DLG5: variants seen among roughly 807,000 people sequenced by gnomAD.
DLG5 encodes discs large MAGUK scaffold protein 5.
A neutral mutation model predicts 189.8 loss-of-function variants in DLG5; 48 were observed. The ratio of observed to expected loss-of-function variants is 0.25; its 90% CI spans 0.20 to 0.32. The LOEUF (loss-of-function observed/expected upper bound fraction) is 0.32, where lower values mean the gene tolerates loss of function less well. Among genes scored for constraint, DLG5 ranks in the 10% least tolerant of loss-of-function variants. The pLI is 1.00. For missense variants in DLG5, 2,160 were observed against 2,544.7 expected, an observed-to-expected ratio of 0.85 and a Z score of 3.25; for synonymous variants, 1,016 against 1,054.1, an observed-to-expected ratio of 0.96 and a Z score of 0.70.
chr10:77,816,491 C>T (rs899938151), intron 20 of DLG5, 60 bp downstream of exon 20: 4 of 1,611,534 alleles, frequency 2.5e-6, no homozygotes, highest in Non-Finnish European at 2.5e-6. Flanking sequence ...CCCAGGCCCG[C>T]TGCCGGGATG....
At chr10:77,811,666 C>G (rs1192287073) in intron 22 of DLG5, among the ~76,000 whole-genome samples, 1 of 152,126 alleles carries the variant, frequency 6.6e-6, no homozygotes, top group African/African-American at 2.4e-5. Context: ...ACCCCCGGGG[C>G]CACAACTCCT....
rs148346690 is a variant in DLG5 at position 77,815,939 on chromosome 10, C to T, written c.4025+612G>A. 1.3e-5 allele frequency: 5 copies of T among 372,364 alleles called. No homozygotes were observed. In the East Asian group the frequency reaches 3.6e-4, roughly 27 times the overall value. The allele number at this position is 372,364 out of a possible 1,614,324, so 23.1% of individuals were successfully genotyped here. On this transcript the variant is annotated intron_variant, in intron 20 of 31. Transcript: ENST00000372391. ...ATTCCATGGAGGAGGTGCCTCTGGACAGACAGCAAGCCTACAGTCAACCTG... is the reference window on the plus strand; with the variant it reads ...ATTCCATGGAGGAGGTGCCTCTGGATAGACAGCAAGCCTACAGTCAACCTG...
intron 7 of DLG5, among the ~76,000 whole-genome samples, chr10:77,836,636 A>G (rs1450411145): frequency 6.6e-6 from 1 of 152,208 alleles, no homozygotes; most frequent in Non-Finnish European, 1.5e-5. Context: ...CGTAGAAAAC[A>G]AGAGAAGAGA....
rs1003767638 is a variant in DLG5 at position 77,819,305 on chromosome 10, G to C, written c.3671+16C>G. ...GGCAGCTGGAGTACAGAGAAGCGTA[G>C]GGTGCCTTCACATACCTGGGATGCA... is the stretch of plus-strand genomic sequence containing the variant. On this transcript the variant is annotated intron_variant, in intron 17 of 31. Transcript: ENST00000372391. The C allele has an allele frequency of 1.2e-6, 2 of 1,613,508 alleles. No individual in the cohort carries two copies. Among genetic ancestry groups the C allele is most frequent in the East Asian group, 2.2e-5 (1 of 44,888 alleles).
At chr10:77,891,883 C>G (rs1276688352) in intron 1 of DLG5, among the ~76,000 whole-genome samples, 1 of 152,200 alleles carries the variant, frequency 6.6e-6, no homozygotes, top group South Asian at 2.1e-4. Flanking sequence ...TTGAATGAGT[C>G]CCCTAGCACA....
Position 77,821,830 on chromosome 10 carries a change from G to T in DLG5, c.2654C>A (p.Pro885His), listed in dbSNP as rs1322898152. 8 of 1,613,536 alleles carry T rather than the reference G, an allele frequency of 5.0e-6. No homozygotes were observed. Among genetic ancestry groups the T allele is most frequent in the Non-Finnish European group, 6.8e-6 (8 of 1,179,800 alleles). The change falls in exon 15 of 32, where the codon CCC (proline) becomes CAC (histidine). Residue 885 changes from proline (P) to histidine (H), a missense_variant. Transcript: ENST00000372391. ...GPLQVCPQAC[P>H]SASERSLSSF... ...GCTCAGGCTACGCTCAGAGGCACTG[G>T]GACAGGCCTGGGGGCAGACCTGCAA...
chr10:77,810,469 C>G (rs1174862284), intron 23 of DLG5, among the ~76,000 whole-genome samples: 1 of 152,206 alleles, frequency 6.6e-6, no homozygotes, highest in Non-Finnish European at 1.5e-5. Flanking sequence ...TCATGTCACA[C>G]CATGGCCTGG....
intron 1 of DLG5, among the ~76,000 whole-genome samples, chr10:77,912,883 C>T (rs1394109309): frequency 6.6e-6 from 1 of 152,110 alleles, no homozygotes; most frequent in Non-Finnish European, 1.5e-5. Context: ...AAACCAAAAG[C>T]AAGCAGACCA....
At chr10:77,923,709 G>A (rs1442727302) in intron 1 of DLG5, among the ~76,000 whole-genome samples, 2 of 152,290 alleles carry the variant, frequency 1.3e-5, no homozygotes, top group African/African-American at 4.8e-5. Flanking sequence ...AGTGAGCCGA[G>A]ATTGTGCCAC....
At chr10:77,839,983 A>C (rs1293075959) in intron 7 of DLG5, among the ~76,000 whole-genome samples, 4 of 152,228 alleles carry the variant, frequency 2.6e-5, no homozygotes, top group Non-Finnish European at 5.9e-5. Context: ...ATAATAATGA[A>C]TGCCCATCTC....
intron 6 of DLG5, 79 bp downstream of exon 6, chr10:77,843,368 T>C: frequency 2.6e-6 from 4 of 1,525,796 alleles, no homozygotes; most frequent in Non-Finnish European, 2.7e-6. Flanking sequence ...CAATAACTCA[T>C]GCTGTTCTCA....
intron 23 of DLG5, 120 bp from the exon 24 acceptor site, chr10:77,809,850 A>C: frequency 8.4e-7 from 1 of 1,192,376 alleles, no homozygotes; most frequent in Non-Finnish European, 1.2e-6. Context: ...AACCACAGGG[A>C]GCTGAGAGGT....
At chr10:77,857,379 A>G (rs1467292402) in intron 2 of DLG5, among the ~76,000 whole-genome samples, 1 of 152,222 alleles carries the variant, frequency 6.6e-6, no homozygotes, top group Non-Finnish European at 1.5e-5. Flanking sequence ...GCTGGGGCCC[A>G]AGGGCCGTGT....
intron 1 of DLG5, among the ~76,000 whole-genome samples, chr10:77,904,558 C>T (rs1248881): frequency 0.31 from 46,353 of 151,878 alleles, 7,722 homozygotes; most frequent in Admixed American, 0.44. Flanking sequence ...GGGGAGGTAA[C>T]TGAATCATAA....
At chr10:77,857,806 G>A (rs1363068495) in intron 2 of DLG5, among the ~76,000 whole-genome samples, 1 of 152,156 alleles carries the variant, frequency 6.6e-6, no homozygotes, top group Admixed American at 6.5e-5. Context: ...CCCTTGTTGG[G>A]GTCAGAGGAG....
Position 77,893,502 on chromosome 10 carries a change from G to A in DLG5, c.305-24305C>T, listed in dbSNP as rs537300714. Among the ~76,000 whole-genome samples the A allele has an allele frequency of 3.3e-5, 5 of 152,344 alleles. No individual in the cohort carries two copies. The South Asian group carries it at 1.0e-3, about 32-fold the overall frequency. ...TCCTCCAGTGGCCCTGCCAGGCCAA[G>A]GGGTTGGGGGCACGGCAAAGGGCTC... On this transcript the variant is annotated intron_variant, in intron 1 of 31. Transcript: ENST00000372391.
At chr10:77,912,630 A>G (rs549181561) in intron 1 of DLG5, 38 of 152,216 alleles carry the variant, frequency 2.5e-4, no homozygotes, top group African/African-American at 8.9e-4. Flanking sequence ...TCCTCCCCAC[A>G]TCACTGTCCT....
In DLG5 at chr10:77,829,458, C is replaced by A. The variant is rs371509149; in HGVS notation, c.2082G>T (p.Ala694=). ...TGATGGCCCCCTCCCCATTGAGGAG[C>A]GCCTTGATGGCCTGCTTCTTGTCCT... The part of the protein sequence containing the change: ...INKDKKQAIK[A]LLNGEGAINM... The change falls in exon 12 of 32, where the codon GCG becomes GCT. Residue 694 remains alanine (A), a synonymous_variant. Transcript: ENST00000372391. 9 of 1,614,148 alleles carry A rather than the reference C, an allele frequency of 5.6e-6. No homozygotes were observed. Among genetic ancestry groups the A allele is most frequent in the Middle Eastern group, 3.3e-4 (2 of 6,062 alleles).
At chr10:77,820,432 C>T (rs1481906209) in intron 15 of DLG5, 2 of 167,732 alleles carry the variant, frequency 1.2e-5, no homozygotes, top group Non-Finnish European at 2.6e-5. Flanking sequence ...CAGCTCCTCC[C>T]ACTGGGGCAC....
Sources: allele counts gnomAD v4.1 joint callset (sites outside exome capture counted in the v4.1 genomes callset), GRCh38; gene constraint gnomAD v4.1.1; transcripts MANE v1.5; gene names NCBI Gene and HGNC (gene_info 2026-07-23, HGNC 2026-07-21).